The following HECW1 variants were observed in gnomAD, a reference collection of about 807,000 sequenced individuals.
The protein encoded by HECW1 is HECT, C2 and WW domain containing E3 ubiquitin protein ligase 1.
Under a neutral mutation model 182.3 loss-of-function variants are expected in HECW1, and 61 were observed. That is an observed-to-expected ratio of 0.33 (90% CI 0.27 to 0.41). HECW1 has a LOEUF of 0.41. HECW1 is among the 10% of genes least tolerant of loss of function. The probability of loss-of-function intolerance (pLI) is 1.00; values close to 1 mark genes in which losing one functional copy is unlikely to be tolerated. For synonymous variants in HECW1, 859 were observed against 832.6 expected (o/e 1.03, Z -0.55); for missense variants, 1,739 against 2,108.9 (o/e 0.82, Z 3.44).
intron 2 of HECW1, among the ~76,000 whole-genome samples, chr7:43,229,756 C>T (rs1004502151): frequency 1.3e-5 from 2 of 152,110 alleles, no homozygotes; most frequent in Admixed American, 6.6e-5. Flanking sequence ...TATGTAATTT[C>T]CGAGTGTCTC....
chr7:43,137,227 C>G (rs907683628), intron 2 of HECW1, among the ~76,000 whole-genome samples: 1 of 152,192 alleles, frequency 6.6e-6, no homozygotes, highest in Non-Finnish European at 1.5e-5. Flanking sequence ...CCTCTCCCCT[C>G]CCTCCCAGCA....
In HECW1 at chr7:43,541,184, C is replaced by G. The variant is rs758654989; in HGVS notation, c.4041C>G (p.Ile1347Met). 4 of 1,614,050 alleles carry G rather than the reference C, an allele frequency of 2.5e-6. No homozygotes were observed. Among genetic ancestry groups the G allele is most frequent in the Non-Finnish European group, 3.4e-6 (4 of 1,179,994 alleles). The change falls in exon 25 of 30, where the codon ATC becomes ATG. Residue 1347 changes from isoleucine (I) to methionine (M), a missense_variant. By Grantham distance (10) the Ile-to-Met change is conservative (BLOSUM62 1). Around this residue, in one of 5 missense-constraint regions of HECW1, gnomAD observed 420 missense variants for 595.7 expected, o/e 0.71. Coordinates refer to ENST00000395891, the MANE Select transcript of HECW1 (RefSeq NM_015052.5). ...CCAGGTTCAGGTTTAGCGGTCGCAT[C>G]CTGGGTCTGGCTCTGATCCATCAGT... ...HLEWFRFSGRILGLALIHQYL... is the reference protein window; with the variant it reads ...HLEWFRFSGRMLGLALIHQYL...
intron 29 of HECW1, among the ~76,000 whole-genome samples, chr7:43,559,137 ATC>A (rs745722159): frequency 3.9e-5 from 6 of 152,174 alleles, no homozygotes; most frequent in Admixed American, 6.5e-5. Context: ...TAACATTTCA[ATC>A]TATAACTTGG....
At chr7:43,305,058 A>G (rs1396941442) in intron 3 of HECW1, among the ~76,000 whole-genome samples, 1 of 152,208 alleles carries the variant, frequency 6.6e-6, no homozygotes, top group Non-Finnish European at 1.5e-5. Context: ...TTTGGGGTAA[A>G]GCTTCCCCTA....
At chr7:43,540,870 C>G (rs2081339760) in intron 24 of HECW1, among the ~76,000 whole-genome samples, 1 of 152,156 alleles carries the variant, frequency 6.6e-6, no homozygotes, top group Non-Finnish European at 1.5e-5. Flanking sequence ...CTTCCCAGTG[C>G]TTTTCTCTTC....
chr7:43,522,009 C>T (rs2080501816), intron 24 of HECW1, among the ~76,000 whole-genome samples: 1 of 152,204 alleles, frequency 6.6e-6, no homozygotes, highest in Non-Finnish European at 1.5e-5. Context: ...TTGCTCTTCC[C>T]ATTCTGCCAT....
At chr7:43,490,567 T>C (rs566573230) in intron 17 of HECW1, among the ~76,000 whole-genome samples, 1 of 152,340 alleles carries the variant, frequency 6.6e-6, no homozygotes, top group East Asian at 1.9e-4. Flanking sequence ...ATAATGCCTC[T>C]ATAGATTTTA....
intron 14 of HECW1, among the ~76,000 whole-genome samples, chr7:43,465,548 C>T (rs2077735626): frequency 6.6e-6 from 1 of 152,226 alleles, no homozygotes; most frequent in Non-Finnish European, 1.5e-5. Context: ...TGATGCAGAA[C>T]TGACCCGTTG....
At chr7:43,348,924 C>G (rs1450704422) in intron 5 of HECW1, among the ~76,000 whole-genome samples, 1 of 152,078 alleles carries the variant, frequency 6.6e-6, no homozygotes, top group Non-Finnish European at 1.5e-5. Context: ...CATTTTATGG[C>G]CTATCATATG....
intron 2 of HECW1, among the ~76,000 whole-genome samples, chr7:43,233,132 A>G (rs910861998): frequency 1.4e-4 from 21 of 152,058 alleles, no homozygotes; most frequent in African/African-American, 4.3e-4. Flanking sequence ...CAGAACCTCT[A>G]TTTCTATGTT....
intron 5 of HECW1, among the ~76,000 whole-genome samples, chr7:43,331,366 G>A (rs973484306): frequency 7.2e-5 from 11 of 152,040 alleles, no homozygotes; most frequent in Admixed American, 4.6e-4. Context: ...TGAGGCGGGC[G>A]GATCACAAGG....
intron 2 of HECW1, among the ~76,000 whole-genome samples, chr7:43,142,734 G>A (rs1255140797): frequency 1.3e-5 from 2 of 152,162 alleles, no homozygotes; most frequent in Admixed American, 6.5e-5. Context: ...TATACACATT[G>A]GTTCTTTTAG....
chr7:43,509,809 C>A (rs1352144378), intron 24 of HECW1: 3 of 152,236 alleles, frequency 2.0e-5, no homozygotes, highest in Non-Finnish European at 4.4e-5. Context: ...ACTGCAGGAG[C>A]TCCTGCTGTT....
At chr7:43,331,173 C>T (rs1258437819) in intron 5 of HECW1, among the ~76,000 whole-genome samples, 2 of 146,202 alleles carry the variant, frequency 1.4e-5, no homozygotes, top group Non-Finnish European at 3.0e-5. Context: ...GTGTGATGTT[C>T]CCCACCCTGT....
At chr7:43,532,183 C>G (rs1387935342) in intron 24 of HECW1, among the ~76,000 whole-genome samples, 1 of 152,180 alleles carries the variant, frequency 6.6e-6, no homozygotes, top group Non-Finnish European at 1.5e-5. Context: ...CCTGGTGCCT[C>G]TCTTTTTCTC....
chr7:43,388,484 T>C (rs2074890018), intron 6 of HECW1, among the ~76,000 whole-genome samples: 1 of 152,222 alleles, frequency 6.6e-6, no homozygotes, highest in African/African-American at 2.4e-5. Flanking sequence ...ACAAGACTTA[T>C]GAGTGGTGTA....
intron 3 of HECW1, among the ~76,000 whole-genome samples, chr7:43,255,526 G>A (rs1225077149): frequency 6.6e-6 from 1 of 151,570 alleles, no homozygotes; most frequent in Non-Finnish European, 1.5e-5. Context: ...GAACCCAGGA[G>A]GCAGAGGTTG....
chr7:43,420,736 T>C (rs2076155610), intron 8 of HECW1, among the ~76,000 whole-genome samples: 1 of 152,166 alleles, frequency 6.6e-6, no homozygotes, highest in Non-Finnish European at 1.5e-5. Context: ...GGAATAAATC[T>C]AACTGCAGAG....
chr7:43,554,493 C>T (rs1477597506), intron 28 of HECW1, 99 bp from the exon 29 acceptor site: 3 of 1,057,252 alleles, frequency 2.8e-6, no homozygotes, highest in Non-Finnish European at 2.8e-6. Flanking sequence ...GCAGCGGTTC[C>T]GTTCCTATCA....
Sources: allele counts gnomAD v4.1 joint callset (sites outside exome capture counted in the v4.1 genomes callset), GRCh38; gene constraint gnomAD v4.1.1; regional missense constraint gnomAD v4.1.1; transcripts MANE v1.5; gene names NCBI Gene and HGNC (gene_info 2026-07-23, HGNC 2026-07-21).